The following ACACA variants were observed in gnomAD, a reference collection of about 807,000 sequenced individuals.
The protein encoded by ACACA is acetyl-CoA carboxylase 1.
ACACA carries 103 observed loss-of-function variants against 296.1 expected under a neutral mutation model. The observed-to-expected ratio is 0.35, with a 90% CI of 0.30 to 0.41. The LOEUF is 0.41. ACACA is among the 10% of genes least tolerant of loss of function. ACACA has a pLI of 1.00. For missense variants in ACACA, 1,554 were observed against 2,989.7 expected (o/e 0.52, Z 11.20); for synonymous variants, 953 against 1,038.6 (o/e 0.92, Z 1.58).
chr17:37,206,990 G>T, intron 31 of ACACA, 111 bp from the exon 32 acceptor site: 1 of 1,022,202 alleles, frequency 9.8e-7, no homozygotes, highest in Non-Finnish European at 1.5e-6. Context: ...GGGCTCAATA[G>T]TTAATTGAAT....
intron 1 of ACACA, among the ~76,000 whole-genome samples, chr17:37,396,339 CAA>C (rs59227754): frequency 3.0e-5 from 4 of 135,170 alleles, no homozygotes; most frequent in Non-Finnish European, 3.2e-5. Context: ...GACTCCATCT[CAA>C]AAAAAAAAAA....
At chr17:37,310,070 T>C (rs1416987708) in intron 3 of ACACA, among the ~76,000 whole-genome samples, 2 of 152,122 alleles carry the variant, frequency 1.3e-5, no homozygotes, top group African/African-American at 4.8e-5. Context: ...GAATTTTGTA[T>C]CTTATGCTAT....
intron 1 of ACACA, among the ~76,000 whole-genome samples, chr17:37,344,777 T>C (rs1441371701): frequency 6.6e-6 from 1 of 152,038 alleles, no homozygotes; most frequent in African/African-American, 2.4e-5. Context: ...TTCCCCAAAA[T>C]GTTCAGAAAG....
At position 37,093,737 on chromosome 17, in the gene ACACA, A is replaced by G. The variant is rs892664781; in HGVS notation, c.6891+3259T>C. 2.6e-5 allele frequency among the ~76,000 whole-genome samples: 4 copies of G among 152,120 alleles called. No individual in the cohort carries two copies. In the South Asian group the frequency reaches 6.2e-4, roughly 24 times the overall value. On this transcript the variant is annotated intron_variant, in intron 54 of 55. Transcript: ENST00000616317. ...GGTCTCAAACTCCTGGCCTCAAGCG[A>G]TCCTCCCACTTCAGCTTCCCAAAGC...
chr17:37,128,873 TAAG>T (rs1394071432), intron 47 of ACACA, among the ~76,000 whole-genome samples: 2 of 152,180 alleles, frequency 1.3e-5, no homozygotes, highest in African/African-American at 4.8e-5. Flanking sequence ...ACCAATATCA[TAAG>T]AAGGGCACAT....
At chr17:37,403,149 A>T (rs2051348462) in intron 1 of ACACA, among the ~76,000 whole-genome samples, 1 of 152,204 alleles carries the variant, frequency 6.6e-6, no homozygotes, top group Admixed American at 6.5e-5. Flanking sequence ...TGACACCTCC[A>T]ATGAGCTGTA....
rs2072155138 is a variant in ACACA, at chr17:37,085,716, A to G, written c.*1600T>C. 5.0e-6 allele frequency: 2 copies of G among 399,044 alleles called. No individual in the cohort carries two copies. Among genetic ancestry groups the G allele is most frequent in the African/African-American group, 4.1e-5 (2 of 48,624 alleles). 24.7% of individuals were successfully genotyped at this position (399,044 alleles called of 1,614,324 possible). ...CATACAGTGCCCACCTGCAACCCAG[A>G]ACCATTGAAAAGTCCAGCCAATCTA... On this transcript the variant is annotated 3_prime_UTR_variant, in exon 56 of 56. Coordinates refer to ENST00000616317, the MANE Select transcript of ACACA (RefSeq NM_198834.3).
Position 37,261,326 on chromosome 17 carries a change from A to C in ACACA, c.1330-1796T>G, listed in dbSNP as rs1274641574. On this transcript the variant is annotated intron_variant, in intron 11 of 55. Transcript: ENST00000616317. Reference sequence around the variant, plus strand: ...AAATCAAGGCAAGAGAGATAGGCTAAGCACAGAAGCCAGTAAATAATAGAA... The same window carrying C: ...AAATCAAGGCAAGAGAGATAGGCTACGCACAGAAGCCAGTAAATAATAGAA... Among the ~76,000 whole-genome samples the C allele has an allele frequency of 2.0e-5, 3 of 152,260 alleles. No homozygotes were observed. The East Asian group carries it at 5.8e-4, about 29-fold the overall frequency.
chr17:37,368,828 A>G (rs918166234), intron 1 of ACACA: 1 of 152,150 alleles, frequency 6.6e-6, no homozygotes, highest in Admixed American at 6.6e-5. Flanking sequence ...CCCCTTTGGC[A>G]AGCATGTGTA....
intron 27 of ACACA, among the ~76,000 whole-genome samples, chr17:37,224,463 G>A (rs1567841595): frequency 6.6e-6 from 1 of 151,944 alleles, no homozygotes; most frequent in East Asian, 1.9e-4. Flanking sequence ...TAATTGCGGT[G>A]GTCCTTCTGA....
intron 3 of ACACA, among the ~76,000 whole-genome samples, chr17:37,295,696 G>A (rs1160398235): frequency 1.3e-5 from 2 of 151,890 alleles, no homozygotes; most frequent in African/African-American, 4.8e-5. Context: ...AGGCTGAGGC[G>A]GGTGGATCAC....
intron 3 of ACACA, among the ~76,000 whole-genome samples, chr17:37,298,098 C>T (rs988440206): frequency 6.6e-6 from 1 of 152,138 alleles, no homozygotes; most frequent in African/African-American, 2.4e-5. Context: ...GCTGGTACTA[C>T]AGGCTCATGC....
chr17:37,182,953 A>G (rs1021885266), intron 39 of ACACA, among the ~76,000 whole-genome samples: 7 of 152,166 alleles, frequency 4.6e-5, no homozygotes, highest in Admixed American at 4.6e-4. Flanking sequence ...CCTCTTCCAC[A>G]AGATCAATAG....
chr17:37,392,746 A>G (rs994697956), intron 1 of ACACA: 3 of 152,184 alleles, frequency 2.0e-5, no homozygotes, highest in Non-Finnish European at 4.4e-5. Flanking sequence ...CAATACCAAC[A>G]GGGGAAAATC....
rs1371822493 is a variant in ACACA at position 37,086,455 on chromosome 17, C to G, written c.*861G>C. The G allele has an allele frequency of 6.6e-6, 1 of 152,306 alleles. No individual in the cohort carries two copies. The highest frequency in any genetic ancestry group is 1.5e-5 in the Non-Finnish European group (1 of 68,114). 9.4% of individuals were successfully genotyped at this position (152,306 alleles called of 1,614,324 possible). On this transcript the variant is annotated 3_prime_UTR_variant, in exon 56 of 56. Coordinates refer to ENST00000616317, the MANE Select transcript of ACACA (RefSeq NM_198834.3). ...TTCCACCAGTGCAGAAAGGGCAGTT[C>G]TCTTCTGGCTCCTCCTCTGCCAACT... is the stretch of plus-strand genomic sequence containing the variant.
intron 1 of ACACA, among the ~76,000 whole-genome samples, chr17:37,343,562 C>A (rs1021022471): frequency 6.6e-6 from 1 of 151,882 alleles, no homozygotes; most frequent in East Asian, 1.9e-4. Context: ...GTCAGGAGTT[C>A]AAGACCAGCC....
chr17:37,377,563 G>A (rs1038091641), intron 1 of ACACA, among the ~76,000 whole-genome samples: 2 of 152,080 alleles, frequency 1.3e-5, no homozygotes, highest in Non-Finnish European at 2.9e-5. Flanking sequence ...GGGAGGCTGA[G>A]GCAGAAGAAT....
At chr17:37,256,549 A>C (rs746269033) in intron 14 of ACACA, among the ~76,000 whole-genome samples, 16 of 152,182 alleles carry the variant, frequency 1.1e-4, no homozygotes, top group Non-Finnish European at 1.9e-4. Context: ...CCTGGGCAAC[A>C]AAGGGAGACC....
chr17:37,101,095 A>AAC (rs1432694524), intron 52 of ACACA, among the ~76,000 whole-genome samples: 7 of 129,318 alleles, frequency 5.4e-5, no homozygotes, highest in South Asian at 4.5e-4. Flanking sequence ...AGAAAAAAAA[A>AAC]AAAAAAAAAA....
Sources: gnomAD v4.1 joint callset for allele counts (sites outside exome capture counted in the v4.1 genomes callset) on GRCh38, gnomAD v4.1.1 for gene constraint, MANE v1.5 for transcripts, NCBI Gene and HGNC (gene_info 2026-07-23, HGNC 2026-07-21) for gene names.